The following CUL3 variants were observed in gnomAD, a reference collection of about 807,000 sequenced individuals.
CUL3 encodes cullin-3.
In CUL3, 19 loss-of-function variants were observed where a neutral mutation model predicts 89.1. The observed-to-expected ratio is 0.21, with a 90% CI of 0.15 to 0.31. The LOEUF is 0.31. Ranked by LOEUF, CUL3 falls within the 10% of genes least tolerant of loss-of-function variation. CUL3 has a pLI of 1.00. For synonymous variants in CUL3, 351 were observed against 308.4 expected (o/e 1.14, Z -1.45); for missense variants, 469 against 942.3 (o/e 0.50, Z 6.58).
intron 1 of CUL3, among the ~76,000 whole-genome samples, chr2:224,567,592 T>C (rs1695074179): frequency 6.6e-6 from 1 of 151,808 alleles, no homozygotes; most frequent in Admixed American, 6.6e-5. Context: ...ACAAAAAAAT[T>C]AGCCGGGTGT....
At position 224,470,987 on chromosome 2, in the gene CUL3, T is replaced by TCA; in HGVS notation, c.*3256_*3257dup. ...CAACACTGGTATAATGACAGTTATG[T>TCA]CACATAAAGCCAATATGACAACTAA... On this transcript the variant is annotated 3_prime_UTR_variant, in exon 16 of 16. Coordinates refer to ENST00000264414, the MANE Select transcript of CUL3 (RefSeq NM_003590.5). The TCA allele has an allele frequency of 4.4e-6, 1 of 228,760 alleles. No individual in the cohort carries two copies. The highest frequency in any genetic ancestry group is 8.7e-6 in the Non-Finnish European group (1 of 115,370). 14.2% of individuals were successfully genotyped at this position (228,760 alleles called of 1,614,324 possible).
chr2:224,491,711 C>A (rs1339875740), intron 13 of CUL3, among the ~76,000 whole-genome samples: 1 of 152,134 alleles, frequency 6.6e-6, no homozygotes, highest in Non-Finnish European at 1.5e-5. Flanking sequence ...TCAGATACAA[C>A]CTTATGGCAT....
intron 2 of CUL3, among the ~76,000 whole-genome samples, chr2:224,540,463 AAAG>A (rs749927185): frequency 4.6e-5 from 7 of 151,992 alleles, no homozygotes; most frequent in Non-Finnish European, 7.4e-5. Context: ...AAGAAAGAAG[AAAG>A]AAGAAGAAAT....
At chr2:224,536,499 T>C (rs1343306543) in intron 2 of CUL3, among the ~76,000 whole-genome samples, 1 of 152,248 alleles carries the variant, frequency 6.6e-6, no homozygotes, top group African/African-American at 2.4e-5. Flanking sequence ...TGTAAATGTC[T>C]CCATGGTGGC....
At chr2:224,529,980 T>G (rs926701212) in intron 3 of CUL3, among the ~76,000 whole-genome samples, 1 of 152,158 alleles carries the variant, frequency 6.6e-6, no homozygotes, top group Admixed American at 6.5e-5. Context: ...GGCTCACACC[T>G]GTAATTCTAG....
chr2:224,564,691 T>C (rs1233016214), intron 1 of CUL3, among the ~76,000 whole-genome samples: 1 of 152,126 alleles, frequency 6.6e-6, no homozygotes, highest in Non-Finnish European at 1.5e-5. Context: ...TGTACTGGCA[T>C]TTACATTAGT....
chr2:224,501,666 T>G (rs1041230668), intron 10 of CUL3, among the ~76,000 whole-genome samples: 2 of 152,126 alleles, frequency 1.3e-5, no homozygotes, highest in Non-Finnish European at 2.9e-5. Context: ...GAAAATAAAC[T>G]TGGATGATGC....
intron 6 of CUL3, 107 bp from the exon 7 acceptor site, chr2:224,507,110 A>C (rs947528275): frequency 3.2e-6 from 3 of 940,962 alleles, no homozygotes; most frequent in African/African-American, 3.4e-5. Context: ...CATTACCCCC[A>C]TTTGCTGACC....
chr2:224,513,709 G>A, intron 4 of CUL3, 71 bp from the exon 5 acceptor site: 1 of 1,090,778 alleles, frequency 9.2e-7, no homozygotes, highest in South Asian at 1.5e-5. Context: ...TTACAAAAAG[G>A]AGTAGGTAAA....
At chr2:224,537,082 G>C (rs996064257) in intron 2 of CUL3, among the ~76,000 whole-genome samples, 4 of 152,102 alleles carry the variant, frequency 2.6e-5, no homozygotes, top group Admixed American at 1.3e-4. Context: ...CTGAAGTCAT[G>C]GTGCTTTCTG....
chr2:224,492,368 A>AT (rs1232085129), intron 13 of CUL3, among the ~76,000 whole-genome samples: 18 of 152,320 alleles, frequency 1.2e-4, no homozygotes, highest in Middle Eastern at 3.4e-3. Flanking sequence ...ATTGCTATAA[A>AT]TTATTGATGA....
intron 13 of CUL3, among the ~76,000 whole-genome samples, chr2:224,482,986 TTCTC>T (rs1312786843): frequency 7.2e-5 from 11 of 152,132 alleles, no homozygotes; most frequent in Non-Finnish European, 1.3e-4. Flanking sequence ...GAGTCAGTCA[TTCTC>T]TCTAGACAAG....
intron 2 of CUL3, among the ~76,000 whole-genome samples, chr2:224,549,179 T>C (rs781283977): frequency 4.9e-4 from 74 of 152,008 alleles, no homozygotes; most frequent in African/African-American, 3.4e-4. Context: ...TGGCCGAGCA[T>C]GGTGGCACAC....
intron 10 of CUL3, 140 bp from the exon 11 acceptor site, chr2:224,500,627 C>CTTTT (rs11350781): frequency 1.4e-4 from 55 of 396,292 alleles, no homozygotes; most frequent in South Asian, 3.4e-4. Flanking sequence ...ATTTTCTTTT[C>CTTTT]TTTTTTTTTT....
chr2:224,567,878 T>C (rs1559235291), intron 1 of CUL3, among the ~76,000 whole-genome samples: 2 of 152,168 alleles, frequency 1.3e-5, no homozygotes. Context: ...AAAACCTTTC[T>C]ATGGTAGCAT....
At chr2:224,570,482 T>C (rs779045113) in intron 1 of CUL3, among the ~76,000 whole-genome samples, 30 of 152,184 alleles carry the variant, frequency 2.0e-4, no homozygotes, top group Non-Finnish European at 3.8e-4. Flanking sequence ...TCAATAAATA[T>C]GTTTGTTTCT....
intron 6 of CUL3, among the ~76,000 whole-genome samples, chr2:224,508,594 A>G (rs909901923): frequency 1.3e-5 from 2 of 152,250 alleles, no homozygotes; most frequent in African/African-American, 4.8e-5. Flanking sequence ...GGTAAAGGGA[A>G]TGTAAAAGTA....
intron 12 of CUL3, among the ~76,000 whole-genome samples, chr2:224,497,352 C>A (rs1186856937): frequency 1.3e-5 from 2 of 152,070 alleles, no homozygotes; most frequent in African/African-American, 2.4e-5. Flanking sequence ...TAACAAATCA[C>A]AAATGTTAAT....
intron 3 of CUL3, among the ~76,000 whole-genome samples, chr2:224,524,775 T>C (rs940570909): frequency 2.0e-5 from 3 of 152,130 alleles, no homozygotes; most frequent in African/African-American, 7.2e-5. Context: ...ACACCATGCT[T>C]GCCCGTTTCC....
Sources: allele counts gnomAD v4.1 joint callset (sites outside exome capture counted in the v4.1 genomes callset), GRCh38; gene constraint gnomAD v4.1.1; transcripts MANE v1.5; gene names NCBI Gene and HGNC (gene_info 2026-07-23, HGNC 2026-07-21).